Variants in PDE4D observed in about 807,000 individuals in gnomAD.
PDE4D encodes the protein 3',5'-cyclic-AMP phosphodiesterase 4D.
Under a neutral mutation model 87.4 loss-of-function variants are expected in PDE4D, and 24 were observed. That is an observed-to-expected ratio of 0.27 (90% CI 0.20 to 0.39). PDE4D has a LOEUF of 0.39. Ranked by LOEUF, PDE4D falls within the 10% of genes least tolerant of loss-of-function variation. PDE4D has a pLI of 1.00. For synonymous variants in PDE4D, 384 were observed against 383.2 expected, an observed-to-expected ratio of 1.00 and a Z score of -0.02; for missense variants, 714 against 1,041.0, an observed-to-expected ratio of 0.69 and a Z score of 4.32.
intron 1 of PDE4D, among the ~76,000 whole-genome samples, chr5:59,561,940 A>T (rs1357364593): frequency 1.3e-5 from 2 of 152,046 alleles, no homozygotes; most frequent in African/African-American, 4.8e-5. Context: ...CAAAAAAAAA[A>T]AAAAAAATTA....
At chr5:59,252,152 A>T (rs1172707731) in intron 1 of PDE4D, among the ~76,000 whole-genome samples, 2 of 152,144 alleles carry the variant, frequency 1.3e-5, no homozygotes, top group African/African-American at 4.8e-5. Context: ...ACAAACCTTC[A>T]CATGTACCCC....
At chr5:60,441,555 A>G (rs566612528) in intron 1 of PDE4D, among the ~76,000 whole-genome samples, 1 of 152,362 alleles carries the variant, frequency 6.6e-6, no homozygotes, top group African/African-American at 2.4e-5. Flanking sequence ...AAACACCAAA[A>G]GCAATGGCAA....
intron 2 of PDE4D, among the ~76,000 whole-genome samples, chr5:60,071,833 C>T (rs778691127): frequency 1.3e-5 from 2 of 152,106 alleles, no homozygotes; most frequent in Non-Finnish European, 2.9e-5. Context: ...ATCCATGTTC[C>T]CGCAAAGGAC....
rs921546679 is a variant in PDE4D, at chr5:59,910,032, G to A, written c.272+78456C>T. 4.6e-5 allele frequency among the ~76,000 whole-genome samples: 7 copies of A among 152,160 alleles called. No individual in the cohort carries two copies. In the East Asian group the frequency reaches 7.7e-4, roughly 17 times the overall value. On this transcript the variant is annotated intron_variant, in intron 3 of 16. Coordinates refer to the PDE4D transcript ENST00000502484. ...ACCTCTACTTATTCACTTCCAACTC[G>A]TTCAACTCCAAACACAAGGCAATGT...
intron 2 of PDE4D, among the ~76,000 whole-genome samples, chr5:60,073,849 G>GTCCT (rs1772999559): frequency 6.6e-6 from 1 of 151,968 alleles, no homozygotes; most frequent in South Asian, 2.1e-4. Flanking sequence ...ATGGTTATTT[G>GTCCT]TATTTTTCTG....
At chr5:59,792,442 T>TG (rs1765913324) in intron 1 of PDE4D, among the ~76,000 whole-genome samples, 2 of 62,358 alleles carry the variant, frequency 3.2e-5, no homozygotes, top group Non-Finnish European at 3.3e-5. Flanking sequence ...GTGTGTGTTT[T>TG]GAGGAAGTGG....
At chr5:59,258,581 T>G (rs558948131) in intron 1 of PDE4D, among the ~76,000 whole-genome samples, 1 of 151,042 alleles carries the variant, frequency 6.6e-6, no homozygotes, top group Non-Finnish European at 1.5e-5. Flanking sequence ...TCTTCTTGTA[T>G]CATCTTTGTA....
At chr5:59,867,809 G>A (rs943482547) in intron 1 of PDE4D, among the ~76,000 whole-genome samples, 49 of 152,232 alleles carry the variant, frequency 3.2e-4, no homozygotes, top group African/African-American at 1.1e-3. Context: ...TATATCATTA[G>A]GGAAGATAAG....
intron 1 of PDE4D, among the ~76,000 whole-genome samples, chr5:60,513,350 G>A (rs1750658890): frequency 6.6e-6 from 1 of 152,056 alleles, no homozygotes; most frequent in South Asian, 2.1e-4. Flanking sequence ...AATAGATAAA[G>A]AGGAGGAAAT....
At chr5:59,546,604 GA>G (rs1337631029) in intron 1 of PDE4D, among the ~76,000 whole-genome samples, 3 of 151,748 alleles carry the variant, frequency 2.0e-5, no homozygotes, top group East Asian at 1.9e-4. Context: ...GGCAATGAAA[GA>G]AAAAAAATTC....
intron 1 of PDE4D, among the ~76,000 whole-genome samples, chr5:60,390,471 A>G (rs1211711196): frequency 1.3e-5 from 2 of 152,152 alleles, no homozygotes; most frequent in East Asian, 3.9e-4. Context: ...AGGAAATGCC[A>G]ACCAGGACTT....
intron 1 of PDE4D, among the ~76,000 whole-genome samples, chr5:60,241,712 T>C (rs947291891): frequency 1.3e-5 from 2 of 152,084 alleles, no homozygotes; most frequent in Non-Finnish European, 2.9e-5. Flanking sequence ...CTTAGAGTTA[T>C]TGGCCATGAA....
At chr5:59,190,207 G>C (rs540671656) in intron 3 of PDE4D, among the ~76,000 whole-genome samples, 34 of 152,174 alleles carry the variant, frequency 2.2e-4, no homozygotes, top group African/African-American at 8.2e-4. Context: ...CCTTAGACAG[G>C]GGAAGGCCAT....
chr5:60,189,484 G>A (rs1454102525), intron 1 of PDE4D, among the ~76,000 whole-genome samples: 2 of 152,162 alleles, frequency 1.3e-5, no homozygotes, highest in East Asian at 1.9e-4. Flanking sequence ...TTGTTATGGG[G>A]ATTAATCAGA....
chr5:59,957,951 A>G (rs1759028222), intron 3 of PDE4D, among the ~76,000 whole-genome samples: 1 of 152,130 alleles, frequency 6.6e-6, no homozygotes, highest in Non-Finnish European at 1.5e-5. Flanking sequence ...TTCCTGATTT[A>G]TAGAGATAAC....
At chr5:59,358,367 C>T (rs1781719845) in intron 1 of PDE4D, among the ~76,000 whole-genome samples, 1 of 152,090 alleles carries the variant, frequency 6.6e-6, no homozygotes, top group African/African-American at 2.4e-5. Context: ...AATATTGTAA[C>T]GCTTCACAAA....
intron 8 of PDE4D, among the ~76,000 whole-genome samples, chr5:58,991,210 A>T (rs1747832671): frequency 6.6e-6 from 1 of 152,218 alleles, no homozygotes. Context: ...TGAACCCAGG[A>T]GGCAGAGGTT....
chr5:59,018,856 G>C (rs1252021437), intron 6 of PDE4D, among the ~76,000 whole-genome samples: 2 of 151,634 alleles, frequency 1.3e-5, no homozygotes, highest in Non-Finnish European at 2.9e-5. Flanking sequence ...CCTTTAATGA[G>C]CACTGTCACT....
At chr5:59,517,478 T>C (rs1402821106) in intron 1 of PDE4D, among the ~76,000 whole-genome samples, 1 of 152,208 alleles carries the variant, frequency 6.6e-6, no homozygotes, top group Non-Finnish European at 1.5e-5. Context: ...CAGGTTTGCC[T>C]ATTTGGGCCA....
Sources: gnomAD v4.1 joint callset for allele counts (sites outside exome capture counted in the v4.1 genomes callset) on GRCh38, gnomAD v4.1.1 for gene constraint, MANE v1.5 for transcripts, NCBI Gene and HGNC (gene_info 2026-07-23, HGNC 2026-07-21) for gene names.